Variants in TGS1 observed in about 807,000 individuals in gnomAD.
TGS1 encodes trimethylguanosine synthase.
TGS1 carries 69 observed loss-of-function variants against 92.2 expected under a neutral mutation model. The observed-to-expected ratio is 0.75, with a 90% CI of 0.62 to 0.91. TGS1 has a LOEUF of 0.91. Among genes scored for constraint, TGS1 ranks in the 40% least tolerant of loss-of-function variants. The probability of loss-of-function intolerance (pLI) is 0.00; values close to 1 mark genes in which losing one functional copy is unlikely to be tolerated. For synonymous variants in TGS1, 345 were observed against 338.1 expected (o/e 1.02, Z -0.22); for missense variants, 1,062 against 1,001.2 (o/e 1.06, Z -0.82).
intron 4 of TGS1, 71 bp downstream of exon 4, chr8:55,787,131 TA>T: frequency 2.0e-6 from 2 of 1,022,488 alleles, no homozygotes; most frequent in Non-Finnish European, 1.4e-6. Context: ...AAATAACTAC[TA>T]ATCCTTTATT....
intron 7 of TGS1, among the ~76,000 whole-genome samples, chr8:55,797,573 C>G (rs1304628909): frequency 6.6e-6 from 1 of 152,124 alleles, no homozygotes; most frequent in African/African-American, 2.4e-5. Flanking sequence ...AAACACAGGC[C>G]AATTTATTGA....
rs1295751183 is a variant in TGS1 at position 55,804,922 on chromosome 8, A to T, written c.2029A>T (p.Ile677Phe). 2 of 1,613,942 alleles carry T rather than the reference A, an allele frequency of 1.2e-6. No individual in the cohort carries two copies. Among genetic ancestry groups the T allele is most frequent in the South Asian group, 2.2e-5 (2 of 91,060 alleles). Reference sequence around the variant, plus strand: ...CTGGTTTTCAGTTACACCCGAGAAGATTGCTGAACACATTGCTGGCCGTGT... The same window carrying T: ...CTGGTTTTCAGTTACACCCGAGAAGTTTGCTGAACACATTGCTGGCCGTGT... ...EGWFSVTPEK[I>F]AEHIAGRVSQ... The change falls in exon 10 of 13, where the codon ATT (isoleucine) becomes TTT (phenylalanine). Residue 677 changes from isoleucine to phenylalanine, a missense_variant. Physicochemically the swap from Ile to Phe is conservative, Grantham distance 21. Transcript: ENST00000260129.
chr8:55,819,399 C>T (rs1236938259), intron 12 of TGS1, among the ~76,000 whole-genome samples: 2 of 146,904 alleles, frequency 1.4e-5, no homozygotes, highest in East Asian at 4.1e-4. Flanking sequence ...CGGGTTCAAG[C>T]AATTCTCCTA....
intron 11 of TGS1, among the ~76,000 whole-genome samples, chr8:55,812,273 C>T (rs755384637): frequency 1.3e-5 from 2 of 151,946 alleles, no homozygotes; most frequent in Non-Finnish European, 2.9e-5. Context: ...CACGCCTGTA[C>T]TCCTGGCACT....
At chr8:55,797,845 C>CT (rs1386378965) in intron 7 of TGS1, among the ~76,000 whole-genome samples, 1 of 152,172 alleles carries the variant, frequency 6.6e-6, no homozygotes, top group Non-Finnish European at 1.5e-5. Context: ...TCAGATGACT[C>CT]TTTTTCCCCT....
intron 7 of TGS1, among the ~76,000 whole-genome samples, chr8:55,796,761 C>T (rs1460743129): frequency 1.3e-5 from 2 of 152,040 alleles, no homozygotes; most frequent in Non-Finnish European, 2.9e-5. Flanking sequence ...GAGGCTGAGG[C>T]GGATGGATCA....
At chr8:55,805,189 A>C (rs1004271114) in intron 10 of TGS1, among the ~76,000 whole-genome samples, 153 bp downstream of exon 10, 1 of 152,216 alleles carries the variant, frequency 6.6e-6, no homozygotes, top group Non-Finnish European at 1.5e-5. Flanking sequence ...TATTAAGCAT[A>C]TACTTTGTAT....
At chr8:55,778,685 T>C (rs1280510294) in intron 1 of TGS1, among the ~76,000 whole-genome samples, 3 of 152,232 alleles carry the variant, frequency 2.0e-5, no homozygotes, top group Non-Finnish European at 2.9e-5. Context: ...AACTCAGCTG[T>C]GTGGCCTTAG....
At chr8:55,804,182 T>C (rs1476222434) in intron 9 of TGS1, among the ~76,000 whole-genome samples, 2 of 152,158 alleles carry the variant, frequency 1.3e-5, no homozygotes, top group Admixed American at 6.5e-5. Context: ...GGCTCATGCC[T>C]GTAATCCCAG....
intron 7 of TGS1, among the ~76,000 whole-genome samples, chr8:55,797,085 G>A (rs921821166): frequency 2.6e-5 from 4 of 151,946 alleles, no homozygotes; most frequent in South Asian, 2.1e-4. Flanking sequence ...GTCTGTTTTC[G>A]GGCTGCTAAT....
chr8:55,790,150 G>A, intron 4 of TGS1, 32 bp from the exon 5 acceptor site: 1 of 1,540,486 alleles, frequency 6.5e-7, no homozygotes, highest in Non-Finnish European at 9.0e-7. Context: ...AACCAAGGGG[G>A]AAAAGCTACT....
At position 55,808,008 on chromosome 8, in the gene TGS1, A is replaced by G. The variant is rs545539298; in HGVS notation, c.2144-2873A>G. On this transcript the variant is annotated intron_variant, in intron 10 of 12. Coordinates refer to ENST00000260129, the MANE Select transcript of TGS1 (RefSeq NM_024831.8). ...ATTTTGGAAAGCACGTAGTAGCTGT[A>G]GAAAAAACAGACTCAGTCCTTGCTC... 2.0e-5 allele frequency among the ~76,000 whole-genome samples: 3 copies of G among 152,366 alleles called. No homozygotes were observed. In the East Asian group the frequency reaches 5.8e-4, roughly 29 times the overall value.
At chr8:55,774,124 C>T (rs1258985481) in intron 1 of TGS1, among the ~76,000 whole-genome samples, 1 of 152,096 alleles carries the variant, frequency 6.6e-6, no homozygotes, top group African/African-American at 2.4e-5. Context: ...TACTTAAGCC[C>T]AAATGCACAT....
intron 12 of TGS1, among the ~76,000 whole-genome samples, chr8:55,817,166 A>C (rs1030257473): frequency 2.6e-5 from 4 of 152,166 alleles, no homozygotes; most frequent in Admixed American, 2.0e-4. Flanking sequence ...CCTGGCCCTC[A>C]TCTCTCCTTA....
At position 55,799,025 on chromosome 8, in the gene TGS1, C is replaced by G. The variant is rs1198113378; in HGVS notation, c.1654C>G (p.Gln552Glu). ...DASTSSDSEE[Q>E]DMSVKKGDDL... The stretch of plus-strand genomic sequence containing the variant: ...TTCCACAAGTAGTGATTCAGAGGAA[C>G]AAGACATGTCTGTTAAAAAAGGTGA... Residue 552 changes from glutamine (Q) to glutamate (E), a missense_variant, in exon 8 of 13, where the codon CAA becomes GAA. Transcript: ENST00000260129. 3.7e-6 allele frequency: 6 copies of G among 1,614,068 alleles called. No homozygotes were observed. The Admixed American group carries it at 5.0e-5, about 13-fold the overall frequency.
At position 55,794,426 on chromosome 8, in the gene TGS1, C is replaced by T. The variant is rs76056758; in HGVS notation, c.1368-1552C>T. Among the ~76,000 whole-genome samples, 902 of 152,204 alleles carry T rather than the reference C, an allele frequency of 5.9e-3. 5 individuals carry two copies. The highest frequency in any genetic ancestry group is 0.02 in the African/African-American group (832 of 41,528). On this transcript the variant is annotated intron_variant, in intron 6 of 12. Transcript: ENST00000260129. ...TACCAAAATTTGCTCAACCATGCAA[C>T]AATTGAAGGGCATTTGGATTATTTG...
intron 12 of TGS1, among the ~76,000 whole-genome samples, chr8:55,822,510 A>C (rs1169925652): frequency 6.6e-6 from 1 of 151,984 alleles, no homozygotes; most frequent in Non-Finnish European, 1.5e-5. Flanking sequence ...AAAATGATAA[A>C]CTGTTCAAAA....
chr8:55,800,781 CTT>C (rs1263679652), intron 8 of TGS1, among the ~76,000 whole-genome samples: 1 of 152,126 alleles, frequency 6.6e-6, no homozygotes, highest in African/African-American at 2.4e-5. Flanking sequence ...CATGATGACA[CTT>C]TTTACTATTT....
At chr8:55,792,940 A>C (rs1252905008) in intron 6 of TGS1, among the ~76,000 whole-genome samples, 156 bp downstream of exon 6, 2 of 152,258 alleles carry the variant, frequency 1.3e-5, no homozygotes, top group South Asian at 4.1e-4. Context: ...ATCCCTGTAC[A>C]TTTGATGTGT....
Sources: allele counts gnomAD v4.1 joint callset (sites outside exome capture counted in the v4.1 genomes callset), GRCh38; gene constraint gnomAD v4.1.1; transcripts MANE v1.5; gene names NCBI Gene and HGNC (gene_info 2026-07-23, HGNC 2026-07-21).